The following TMPRSS9 variants were observed in gnomAD, a reference collection of about 807,000 sequenced individuals.
The protein encoded by TMPRSS9 is transmembrane serine protease 9, also known as transmembrane protease serine 9.
A neutral mutation model predicts 111.4 loss-of-function variants in TMPRSS9; 113 were observed. The observed-to-expected ratio is 1.01, with a 90% confidence interval of 0.87 to 1.19. The LOEUF (loss-of-function observed/expected upper bound fraction) is 1.19, where lower values mean the gene tolerates loss of function less well. Ranked by LOEUF, TMPRSS9 falls within the 50% of genes most tolerant of loss-of-function variation. The pLI is 0.00. For missense variants in TMPRSS9, 1,803 were observed against 1,513.1 expected (o/e 1.19, Z -3.18); for synonymous variants, 805 against 659.1 (o/e 1.22, Z -3.39).
upstream of TMPRSS9, among the ~76,000 whole-genome samples, chr19:2,388,458 GAGA>G (rs916025712): frequency 2.0e-5 from 3 of 152,156 alleles, no homozygotes; most frequent in Non-Finnish European, 4.4e-5. Flanking sequence ...GCTGTGAAGG[GAGA>G]AGAAGGGGCC....
At chr19:2,373,182 C>T (rs1273348735) in intron 1 of TMPRSS9, among the ~76,000 whole-genome samples, 2 of 151,878 alleles carry the variant, frequency 1.3e-5, no homozygotes, top group Non-Finnish European at 2.9e-5. Context: ...ATGGGTAATT[C>T]ACCCAGGATG....
intron 1 of TMPRSS9, among the ~76,000 whole-genome samples, chr19:2,369,872 C>G (rs1318676438): frequency 6.6e-6 from 1 of 152,072 alleles, no homozygotes; most frequent in Non-Finnish European, 1.5e-5. Flanking sequence ...TCTGACAAGA[C>G]TGCAGTCAGA....
exon 11 of TMPRSS9, chr19:2,415,710 C>A: frequency 1.9e-6 from 3 of 1,608,050 alleles, no homozygotes; most frequent in Non-Finnish European, 2.5e-6. Context: ...CCACCCGGGT[C>A]GTGGGCGGGT....
exon 10 of TMPRSS9, chr19:2,413,725 G>C: frequency 6.2e-7 from 1 of 1,612,418 alleles, no homozygotes; most frequent in Non-Finnish European, 8.5e-7. Context: ...CCCCTGGTCT[G>C]CGAGGAGCCC....
chr19:2,377,269 GTATGTATGTATGTATGTATGTATA>G (rs1385377094), intron 1 of TMPRSS9, among the ~76,000 whole-genome samples: 29 of 119,618 alleles, frequency 2.4e-4, no homozygotes, highest in African/African-American at 1.2e-3. Flanking sequence ...ATGTATGTAT[GTATGTATGTATGTATGTATGTATA>G]TATGTATGTA....
rs546516567 is a variant in TMPRSS9, at chr19:2,415,960, T to C, written c.1745+119T>C. ...CCCCACTGGGGAGCAGCCCTTCCTC[T>C]CCTGAGGGCAGCTGAGAGACAGGAG... On this transcript the variant is annotated intron_variant, in intron 11 of 17. Transcript: ENST00000648592. 133 of 1,210,968 alleles carry C rather than the reference T, an allele frequency of 1.1e-4. 1 individual carries two copies. In the African/African-American group the frequency reaches 1.9e-3, roughly 17 times the overall value. 75.0% of individuals were successfully genotyped at this position (1,210,968 alleles called of 1,614,324 possible).
chr19:2,416,741 C>A, exon 12 of TMPRSS9: 1 of 1,613,094 alleles, frequency 6.2e-7, no homozygotes, highest in Non-Finnish European at 8.5e-7. Context: ...CTGCCCCTGG[C>A]CATCCAGAAG....
At chr19:2,382,601 C>CAG (rs1271621857) in intron 1 of TMPRSS9, among the ~76,000 whole-genome samples, 2 of 104,496 alleles carry the variant, frequency 1.9e-5, no homozygotes, top group Non-Finnish European at 3.5e-5. Context: ...TGCACACACA[C>CAG]ACAGACACAT....
chr19:2,397,607 G>T lies in TMPRSS9; in HGVS notation c.270+941G>T, dbSNP rs191604032. Among the ~76,000 whole-genome samples the T allele has an allele frequency of 2.0e-3, 308 of 152,210 alleles. 1 individual carries two copies. Among genetic ancestry groups the T allele is most frequent in the Admixed American group, 3.8e-3 (58 of 15,270 alleles). On this transcript the variant is annotated intron_variant, in intron 2 of 17. Transcript: ENST00000648592. Reference sequence around the variant, plus strand: ...GAGAAACAGACGTGTGACCACATCAGCAATCACGTATTAAAAACAGCACTC... The same window carrying T: ...GAGAAACAGACGTGTGACCACATCATCAATCACGTATTAAAAACAGCACTC...
At chr19:2,395,176 G>C (rs1001307126) in intron 1 of TMPRSS9, among the ~76,000 whole-genome samples, 2 of 152,108 alleles carry the variant, frequency 1.3e-5, no homozygotes, top group Non-Finnish European at 2.9e-5. Flanking sequence ...TCAGCACTTC[G>C]GGAGGCCAAG....
intron 9 of TMPRSS9, 59 bp downstream of exon 10, chr19:2,410,453 A>G (rs1971072246): frequency 6.3e-7 from 1 of 1,586,704 alleles, no homozygotes. Context: ...AGCATGTTCA[A>G]ATGCTGAGCA....
At chr19:2,416,473 G>T in intron 11 of TMPRSS9, 65 bp from the exon 13 acceptor site, 1 of 1,550,052 alleles carries the variant, frequency 6.5e-7, no homozygotes, top group Non-Finnish European at 8.7e-7. Flanking sequence ...CATCAGCCCT[G>T]TCCCTCCCCA....
At chr19:2,398,085 G>A (rs1490202580) in intron 2 of TMPRSS9, among the ~76,000 whole-genome samples, 4 of 150,578 alleles carry the variant, frequency 2.7e-5, no homozygotes, top group African/African-American at 9.7e-5. Context: ...CACGAGGTCA[G>A]GAGTTCAAGA....
chr19:2,393,505 G>T (rs914272667), intron 1 of TMPRSS9, among the ~76,000 whole-genome samples: 19 of 152,188 alleles, frequency 1.2e-4, no homozygotes, highest in African/African-American at 4.3e-4. Flanking sequence ...AACACTCAGC[G>T]TGAGGATCCG....
chr19:2,361,957 G>A (rs1970202774), intron 1 of TMPRSS9, among the ~76,000 whole-genome samples: 1 of 152,160 alleles, frequency 6.6e-6, no homozygotes, highest in Non-Finnish European at 1.5e-5. Context: ...GGCTGTGTGA[G>A]ATTCTGGGTG....
chr19:2,385,247 C>A (rs1437526483), upstream of TMPRSS9, among the ~76,000 whole-genome samples: 1 of 151,002 alleles, frequency 6.6e-6, no homozygotes, highest in Non-Finnish European at 1.5e-5. Flanking sequence ...GGGCTTGAAT[C>A]CCAGGAGGAG....
chr19:2,423,974 T>A (rs1971528483), intron 14 of TMPRSS9, 115 bp from the exon 16 acceptor site: 1 of 1,146,730 alleles, frequency 8.7e-7, no homozygotes. Context: ...AGGTCCCCCA[T>A]CACAACCTAC....
chr19:2,424,020 G>A (rs1383736201), intron 14 of TMPRSS9, 69 bp from the exon 16 acceptor site: 2 of 1,241,062 alleles, frequency 1.6e-6, no homozygotes, highest in South Asian at 3.4e-5. Flanking sequence ...TGGAGAGGCG[G>A]CGCCCAGGGG....
At chr19:2,420,209 C>CAGGCAGATCACCTGAGGT (rs1971431745) in intron 13 of TMPRSS9, among the ~76,000 whole-genome samples, 1 of 152,058 alleles carries the variant, frequency 6.6e-6, no homozygotes, top group Non-Finnish European at 1.5e-5. Context: ...GAGGCCGAGG[C>CAGGCAGATCACCTGAGGT]AGGCAGATCA....
Sources: allele counts gnomAD v4.1 joint callset (sites outside exome capture counted in the v4.1 genomes callset), GRCh38; gene constraint gnomAD v4.1.1; transcripts MANE v1.5; gene names NCBI Gene and HGNC (gene_info 2026-07-23, HGNC 2026-07-21).